The following NFIA variants were observed in gnomAD, a reference collection of about 807,000 sequenced individuals.
NFIA encodes nuclear factor I A.
A neutral mutation model predicts 62.8 loss-of-function variants in NFIA; 8 were observed. That is an observed-to-expected ratio of 0.13 (90% CI 0.07 to 0.23). The LOEUF (loss-of-function observed/expected upper bound fraction) is 0.23. Ranked by LOEUF, NFIA falls within the 10% of genes least tolerant of loss-of-function variation. The pLI, the probability that NFIA is intolerant of heterozygous loss-of-function variation, is 1.00. For missense variants in NFIA, 410 were observed against 642.1 expected (o/e 0.64, Z 3.91); for synonymous variants, 235 against 238.1 (o/e 0.99, Z 0.12).
intron 6 of NFIA, 152 bp downstream of exon 6, chr1:61,359,426 A>ATCCTTTTATGAATGTGG: frequency 1.8e-6 from 2 of 1,138,336 alleles, no homozygotes; most frequent in Non-Finnish European, 2.5e-6. Flanking sequence ...TCTGATTGCC[A>ATCCTTTTATGAATGTGG]CATTCATAAA....
intron 2 of NFIA, among the ~76,000 whole-genome samples, chr1:61,139,867 A>G (rs2100503662): frequency 7.4e-6 from 1 of 134,946 alleles, no homozygotes; most frequent in East Asian, 2.3e-4. Context: ...TTCTATACTT[A>G]GGGAATTTAC....
chr1:61,141,256 A>G (rs1285538263), intron 2 of NFIA, among the ~76,000 whole-genome samples: 2 of 152,094 alleles, frequency 1.3e-5, no homozygotes, highest in African/African-American at 2.4e-5. Context: ...TCAGCATGAA[A>G]AAAACAACAG....
chr1:61,114,115 A>G (rs1422962504), intron 2 of NFIA, among the ~76,000 whole-genome samples: 3 of 152,222 alleles, frequency 2.0e-5, no homozygotes, highest in Admixed American at 1.3e-4. Context: ...TAAACAAAAT[A>G]TACAAAATGG....
rs1557631950 is a variant in NFIA at position 61,200,038 on chromosome 1, A to ATGTATATATATG, written c.560-77481_560-77480insGTATATATATGT. Among the ~76,000 whole-genome samples, 126 of 46,960 alleles carry ATGTATATATATG rather than the reference A, an allele frequency of 2.7e-3. 2 individuals are homozygous for ATGTATATATATG. The highest frequency in any genetic ancestry group is 0.013 in the African/African-American group (120 of 9,288). The allele number at this position is 46,960 out of a possible 152,430, so 30.8% of individuals were successfully genotyped here. On this transcript the variant is annotated intron_variant, in intron 2 of 10. Transcript: ENST00000403491. ...TATATATATATATATATATATATAT[A>ATGTATATATATG]TATATATATATATATATATATATAT...
intron 3 of NFIA, among the ~76,000 whole-genome samples, chr1:61,279,400 TAAAA>T (rs199881233): frequency 7.0e-6 from 1 of 143,498 alleles, no homozygotes. Flanking sequence ...AGCAGGCAGT[TAAAA>T]AAAAAAAAAG....
intron 7 of NFIA, among the ~76,000 whole-genome samples, chr1:61,403,135 T>A (rs139297281): frequency 6.6e-6 from 1 of 152,330 alleles, no homozygotes; most frequent in African/African-American, 2.4e-5. Flanking sequence ...GATAAATACT[T>A]TCATCTCCTC....
chr1:61,255,475 G>A (rs1339948053), intron 2 of NFIA, among the ~76,000 whole-genome samples: 1 of 152,074 alleles, frequency 6.6e-6, no homozygotes, highest in Non-Finnish European at 1.5e-5. Context: ...TCTAAAATGG[G>A]GCATAAGTCC....
chr1:61,422,736 C>T (rs1445104067), intron 9 of NFIA, among the ~76,000 whole-genome samples: 36 of 128,448 alleles, frequency 2.8e-4, no homozygotes, highest in African/African-American at 1.1e-3. Flanking sequence ...GCGAGACCCC[C>T]GTCTCTATTT....
intron 2 of NFIA, among the ~76,000 whole-genome samples, chr1:61,098,506 T>C (rs1646456248): frequency 6.6e-6 from 1 of 152,226 alleles, no homozygotes; most frequent in Admixed American, 6.5e-5. Flanking sequence ...AGGTTCTCTT[T>C]TGGAGAGTAG....
At chr1:61,391,433 CAA>C (rs1479568090) in intron 7 of NFIA, among the ~76,000 whole-genome samples, 1 of 93,608 alleles carries the variant, frequency 1.1e-5, no homozygotes, top group Admixed American at 1.4e-4. Context: ...CTTTATGAAT[CAA>C]ACACACACAC....
At chr1:61,253,744 T>C (rs1656197332) in intron 2 of NFIA, among the ~76,000 whole-genome samples, 1 of 152,168 alleles carries the variant, frequency 6.6e-6, no homozygotes, top group Non-Finnish European at 1.5e-5. Flanking sequence ...AAAATGCATC[T>C]TCTCCTTATG....
At chr1:61,388,718 A>G (rs1309903961) in intron 7 of NFIA, among the ~76,000 whole-genome samples, 2 of 152,230 alleles carry the variant, frequency 1.3e-5, no homozygotes, top group East Asian at 1.9e-4. Flanking sequence ...TTTTGGTATA[A>G]TGTGTTCCCA....
chr1:61,081,652 G>A (rs559506966), upstream of NFIA: 9 of 468,122 alleles, frequency 1.9e-5, no homozygotes, highest in Non-Finnish European at 3.5e-5. Context: ...TAGTTTCACA[G>A]TCCTGGGAGG....
chr1:61,174,530 T>C (rs1159477475), intron 2 of NFIA, among the ~76,000 whole-genome samples: 3 of 152,208 alleles, frequency 2.0e-5, no homozygotes, highest in Non-Finnish European at 4.4e-5. Context: ...CCTGGTCTCA[T>C]CTGGCATTGG....
At chr1:61,285,967 A>G (rs1658462761) in intron 3 of NFIA, among the ~76,000 whole-genome samples, 1 of 152,214 alleles carries the variant, frequency 6.6e-6, no homozygotes, top group East Asian at 1.9e-4. Context: ...CTCAGAGATG[A>G]ACAAGAAGAA....
intron 2 of NFIA, among the ~76,000 whole-genome samples, chr1:61,091,792 A>G (rs2100420352): frequency 6.6e-6 from 1 of 152,268 alleles, no homozygotes; most frequent in East Asian, 1.9e-4. Context: ...CCTTTTAGAT[A>G]AAGTTAACCT....
At chr1:61,093,378 C>T (rs1646354804) in intron 2 of NFIA, among the ~76,000 whole-genome samples, 1 of 151,916 alleles carries the variant, frequency 6.6e-6, no homozygotes, top group African/African-American at 2.4e-5. Context: ...TATTGTAAAA[C>T]TAATATACAG....
Position 61,236,621 on chromosome 1 carries a change from A to AT in NFIA, c.560-40887dup, listed in dbSNP as rs952417646. 3.8e-3 allele frequency among the ~76,000 whole-genome samples: 560 copies of AT among 145,638 alleles called. 4 individuals are homozygous for AT. The highest frequency in any genetic ancestry group is 0.01 in the African/African-American group (401 of 39,858). ...ATGTTTTTAACAGGTACTAAACAGGATTTTTTTTTTTTCAAGAAAGGACTT... is the reference window on the plus strand; with the variant it reads ...ATGTTTTTAACAGGTACTAAACAGGATTTTTTTTTTTTTCAAGAAAGGACTT... On this transcript the variant is annotated intron_variant, in intron 2 of 10. Coordinates refer to ENST00000403491, the MANE Select transcript of NFIA (RefSeq NM_001134673.4).
chr1:61,106,218 A>T (rs895855156), intron 2 of NFIA, among the ~76,000 whole-genome samples: 4 of 151,790 alleles, frequency 2.6e-5, no homozygotes, highest in Non-Finnish European at 4.4e-5. Flanking sequence ...ATTACAGCAC[A>T]GCTATTTACA....
Sources: allele counts gnomAD v4.1 joint callset (sites outside exome capture counted in the v4.1 genomes callset), GRCh38; gene constraint gnomAD v4.1.1; transcripts MANE v1.5; gene names NCBI Gene and HGNC (gene_info 2026-07-23, HGNC 2026-07-21).